SLC26A7: variants seen among roughly 807,000 people sequenced by gnomAD.
SLC26A7 encodes anion exchange transporter.
SLC26A7 carries 59 observed loss-of-function variants against 82.5 expected under a neutral mutation model. The observed-to-expected ratio is 0.72, with a 90% CI of 0.58 to 0.89. The LOEUF (loss-of-function observed/expected upper bound fraction) is 0.89, where lower values mean the gene tolerates loss of function less well. SLC26A7 is among the 40% of genes least tolerant of loss of function. The pLI, the probability that SLC26A7 is intolerant of heterozygous loss-of-function variation, is 0.00. For missense variants in SLC26A7, 820 were observed against 793.0 expected (o/e 1.03, Z -0.41); for synonymous variants, 271 against 274.3 (o/e 0.99, Z 0.12).
chr8:91,242,377 A>G (rs1409353068), intron 2 of SLC26A7, among the ~76,000 whole-genome samples: 4 of 152,172 alleles, frequency 2.6e-5, no homozygotes, highest in Admixed American at 6.6e-5. Context: ...ACTTGTAACT[A>G]TGTCTGGCTT....
At chr8:91,329,428 C>T (rs374033728) in intron 5 of SLC26A7, among the ~76,000 whole-genome samples, 1 of 152,072 alleles carries the variant, frequency 6.6e-6, no homozygotes, top group African/African-American at 2.4e-5. Context: ...AGCTATCCAC[C>T]CCCTTGTTCT....
chr8:91,255,942 T>A (rs1810789301), intron 2 of SLC26A7, among the ~76,000 whole-genome samples: 1 of 152,148 alleles, frequency 6.6e-6, no homozygotes, highest in Non-Finnish European at 1.5e-5. Context: ...TTTTACCTGC[T>A]ATGAACCATC....
chr8:91,319,647 C>G (rs1430131095), intron 5 of SLC26A7, among the ~76,000 whole-genome samples: 1 of 152,172 alleles, frequency 6.6e-6, no homozygotes, highest in African/African-American at 2.4e-5. Flanking sequence ...TAGCTGTAAG[C>G]TGTCAGGTGA....
intron 2 of SLC26A7, chr8:91,219,072 A>G: frequency 1.5e-6 from 1 of 681,234 alleles, no homozygotes; most frequent in South Asian, 2.4e-5. Context: ...ATTATGCCCT[A>G]CTTAAGATAC....
chr8:91,348,991 G>T (rs538359648), intron 9 of SLC26A7, among the ~76,000 whole-genome samples: 4 of 152,248 alleles, frequency 2.6e-5, no homozygotes, highest in African/African-American at 9.6e-5. Flanking sequence ...AGGGAATGAT[G>T]GCTTTCACTG....
intron 4 of SLC26A7, among the ~76,000 whole-genome samples, chr8:91,303,467 CT>C (rs1456328055): frequency 2.0e-5 from 3 of 152,264 alleles, no homozygotes; most frequent in African/African-American, 7.2e-5. Flanking sequence ...CTTTCTTGCA[CT>C]GAGAAAGGTG....
chr8:91,357,024 G>GTTT (rs1191437699), intron 11 of SLC26A7, among the ~76,000 whole-genome samples: 2 of 152,066 alleles, frequency 1.3e-5, no homozygotes, highest in Non-Finnish European at 2.9e-5. Context: ...TCTTCATCTT[G>GTTT]TTTTACTTCC....
chr8:91,219,134 A>G (rs1810113682), intron 2 of SLC26A7: 2 of 432,876 alleles, frequency 4.6e-6, no homozygotes, highest in Non-Finnish European at 8.2e-6. Context: ...AAATAATTCC[A>G]TTATAACGTT....
intron 2 of SLC26A7, among the ~76,000 whole-genome samples, chr8:91,262,082 G>A (rs1015362958): frequency 6.6e-6 from 1 of 152,060 alleles, no homozygotes; most frequent in Non-Finnish European, 1.5e-5. Flanking sequence ...GGAGGTGGTA[G>A]ACAGAAGAGG....
At chr8:91,307,948 C>T (rs1254241328) in intron 4 of SLC26A7, among the ~76,000 whole-genome samples, 1 of 152,128 alleles carries the variant, frequency 6.6e-6, no homozygotes, top group East Asian at 1.9e-4. Context: ...ATCCTTTCAT[C>T]TTGGCCTTCC....
At chr8:91,248,996 A>G (rs1810587447), upstream of SLC26A7, among the ~76,000 whole-genome samples, 2 of 152,170 alleles carry the variant, frequency 1.3e-5, 1 homozygote, top group South Asian at 4.1e-4. Context: ...GGGAATAAAA[A>G]TGGTAAGGAC....
At chr8:91,361,524 G>A (rs1022476768) in intron 11 of SLC26A7, among the ~76,000 whole-genome samples, 18 of 152,040 alleles carry the variant, frequency 1.2e-4, no homozygotes, top group Admixed American at 4.6e-4. Context: ...GGTTAAAAAC[G>A]TTAGTTTACT....
At chr8:91,214,899 G>A (rs1037978766) in intron 1 of SLC26A7, among the ~76,000 whole-genome samples, 1 of 151,808 alleles carries the variant, frequency 6.6e-6, no homozygotes, top group African/African-American at 2.4e-5. Context: ...GTTTCCATCT[G>A]GAGGCTCCTG....
intron 2 of SLC26A7, among the ~76,000 whole-genome samples, chr8:91,226,195 C>G (rs888733766): frequency 6.6e-6 from 1 of 152,156 alleles, no homozygotes; most frequent in Non-Finnish European, 1.5e-5. Context: ...CCATTTTAAC[C>G]TATGTTTCCA....
At chr8:91,312,273 A>G (rs997200397) in intron 4 of SLC26A7, among the ~76,000 whole-genome samples, 5 of 152,180 alleles carry the variant, frequency 3.3e-5, no homozygotes, top group African/African-American at 1.2e-4. Context: ...ATGTTGTTAC[A>G]TTTTTGGAAT....
At chr8:91,307,820 A>T (rs1175569507) in intron 4 of SLC26A7, among the ~76,000 whole-genome samples, 1 of 149,836 alleles carries the variant, frequency 6.7e-6, no homozygotes, top group Admixed American at 6.6e-5. Context: ...AATAAATAAA[A>T]AAAATAAATT....
intron 2 of SLC26A7, among the ~76,000 whole-genome samples, chr8:91,242,448 G>A (rs1810487362): frequency 1.3e-5 from 2 of 152,096 alleles, no homozygotes; most frequent in Admixed American, 6.6e-5. Flanking sequence ...CAATTTTTTA[G>A]TAATGCCATG....
At chr8:91,256,768 T>G (rs955795961) in intron 2 of SLC26A7, among the ~76,000 whole-genome samples, 1 of 152,164 alleles carries the variant, frequency 6.6e-6, no homozygotes, top group Non-Finnish European at 1.5e-5. Context: ...TATTATAGTA[T>G]AAATGTGTTA....
intron 2 of SLC26A7, among the ~76,000 whole-genome samples, chr8:91,224,391 G>T (rs535516984): frequency 6.6e-6 from 1 of 152,258 alleles, no homozygotes; most frequent in Non-Finnish European, 1.5e-5. Context: ...TGTTGATGCT[G>T]TTGTGGTCAC....
Sources: gnomAD v4.1 joint callset for allele counts (sites outside exome capture counted in the v4.1 genomes callset) on GRCh38, gnomAD v4.1.1 for gene constraint, MANE v1.5 for transcripts, NCBI Gene and HGNC (gene_info 2026-07-23, HGNC 2026-07-21) for gene names.